The following UNC45B variants were observed in gnomAD, a reference collection of about 807,000 sequenced individuals.
UNC45B encodes the protein unc-45 myosin chaperone B, also known as protein unc-45 homolog B.
UNC45B carries 78 observed loss-of-function variants against 98.7 expected under a neutral mutation model. The observed-to-expected ratio is 0.79, with a 90% CI of 0.66 to 0.95. The LOEUF is 0.95. Among genes scored for constraint, UNC45B ranks in the 40% least tolerant of loss-of-function variants. UNC45B has a pLI of 0.00. For synonymous variants in UNC45B, 462 were observed against 480.4 expected (o/e 0.96, Z 0.50); for missense variants, 1,225 against 1,184.9 (o/e 1.03, Z -0.50).
chr17:35,177,332 A>C (rs540098315), intron 16 of UNC45B, among the ~76,000 whole-genome samples, 163 bp from the exon 17 acceptor site: 5 of 152,166 alleles, frequency 3.3e-5, no homozygotes, highest in Non-Finnish European at 5.9e-5. Flanking sequence ...CAGTTATCCT[A>C]TCTATAAAGA....
At chr17:35,184,931 C>T (rs2092294640) in intron 19 of UNC45B, among the ~76,000 whole-genome samples, 1 of 152,202 alleles carries the variant, frequency 6.6e-6, no homozygotes, top group African/African-American at 2.4e-5. Flanking sequence ...ATGCCCTGGG[C>T]TATGCTTCCT....
rs1329266072 is a variant in UNC45B, at chr17:35,171,389, T to C, written c.1757T>C (p.Val586Ala). The C allele has an allele frequency of 1.2e-6, 2 of 1,614,180 alleles. No individual in the cohort carries two copies. The highest frequency in any genetic ancestry group is 1.7e-6 in the Non-Finnish European group (2 of 1,180,038). The change falls in exon 13 of 20, where the codon GTC (valine) becomes GCC (alanine). Residue 586 changes from valine to alanine, a missense_variant. Coordinates refer to ENST00000394570, the MANE Select transcript of UNC45B (RefSeq NM_001267052.2). ...TLVNCTNSYD[V>A]KEVIPELVQL... ...GTGAACTGCACCAACAGCTACGATG[T>C]CAAGGAGGTCATCCCAGAGCTTGTC...
At chr17:35,174,927 G>GAGAAAGAAAGAAAA (rs760395025) in intron 14 of UNC45B, among the ~76,000 whole-genome samples, 1 of 136,422 alleles carries the variant, frequency 7.3e-6, no homozygotes, top group Non-Finnish European at 1.5e-5. Context: ...AGGGAGGAAG[G>GAGAAAGAAAGAAAA]AGAAAGAAAG....
At position 35,159,428 on chromosome 17, in the gene UNC45B, A is replaced by C. The variant is rs185961738; in HGVS notation, c.862A>C (p.Ser288Arg). Reference protein sequence around the residue: ...ITSHLLDMLVSKKVSGQGRDQ... With the variant: ...ITSHLLDMLVRKKVSGQGRDQ... ...CAGCCACCTGCTGGACATGCTAGTC[A>C]GCAAGAAGGTGTCTGGCCAGGGCAG... is the stretch of plus-strand genomic sequence containing the variant. Residue 288 changes from serine (S) to arginine (R), a missense_variant, in exon 8 of 20, where the codon AGC (serine) becomes CGC (arginine). Physicochemically the swap from Ser to Arg is moderately radical, Grantham distance 110. Coordinates refer to ENST00000394570, the MANE Select transcript of UNC45B (RefSeq NM_001267052.2). 4.9e-5 allele frequency: 79 copies of C among 1,614,158 alleles called. No individual in the cohort carries two copies. The highest frequency in any genetic ancestry group is 5.6e-5 in the Non-Finnish European group (66 of 1,179,992).
intron 10 of UNC45B, among the ~76,000 whole-genome samples, chr17:35,168,815 T>C (rs889789796): frequency 1.3e-5 from 2 of 152,178 alleles, no homozygotes; most frequent in African/African-American, 4.8e-5. Context: ...CAGGTGACTC[T>C]TGTGCCTCAG....
At chr17:35,165,375 T>C (rs1852433332) in intron 9 of UNC45B, among the ~76,000 whole-genome samples, 1 of 152,178 alleles carries the variant, frequency 6.6e-6, no homozygotes, top group South Asian at 2.1e-4. Flanking sequence ...TTTTAATTCT[T>C]TATTGCAGTG....
At chr17:35,177,653 A>G in intron 17 of UNC45B, 43 bp downstream of exon 17, 3 of 1,435,700 alleles carry the variant, frequency 2.1e-6, no homozygotes, top group Non-Finnish European at 2.9e-6. Context: ...AGGTGGCTCA[A>G]AAAGTGTTTG....
chr17:35,160,244 G>A (rs955454245), intron 8 of UNC45B, among the ~76,000 whole-genome samples: 1 of 152,120 alleles, frequency 6.6e-6, no homozygotes, highest in African/African-American at 2.4e-5. Flanking sequence ...CATAAGATAA[G>A]GTGAACATAG....
intron 7 of UNC45B, among the ~76,000 whole-genome samples, chr17:35,158,948 C>A (rs1322988046): frequency 1.3e-5 from 2 of 152,222 alleles, no homozygotes; most frequent in African/African-American, 4.8e-5. Flanking sequence ...CAGGCAAAAG[C>A]TTGAATTCAG....
At chr17:35,154,028 G>A (rs1349851605) in intron 5 of UNC45B, among the ~76,000 whole-genome samples, 3 of 152,126 alleles carry the variant, frequency 2.0e-5, no homozygotes, top group Admixed American at 6.6e-5. Context: ...GAGAAGTGCC[G>A]TGACTCACCC....
At position 35,170,125 on chromosome 17, in the gene UNC45B, A is replaced by C; in HGVS notation, c.1559A>C (p.Asn520Thr). 6.2e-7 allele frequency: 1 copy of C among 1,610,440 alleles called. No homozygotes were observed. Among genetic ancestry groups the C allele is most frequent in the South Asian group, 1.1e-5 (1 of 90,850 alleles). ...CTCCTCACTTCCAGGTGGCTGTGCA[A>C]TATGTCCATAGACACTCGGACCCGA... ...LAKQCRKWLCNMSIDTRTRRW... is the reference protein window; with the variant it reads ...LAKQCRKWLCTMSIDTRTRRW... The change falls in exon 12 of 20, where the codon AAT becomes ACT. Residue 520 changes from asparagine to threonine, a missense_variant. By Grantham distance (65) the Asn-to-Thr change is moderately conservative (BLOSUM62 0). Transcript: ENST00000394570.
chr17:35,180,492 G>A (rs1231887214), intron 17 of UNC45B, 67 bp from the exon 18 acceptor site: 3 of 1,287,380 alleles, frequency 2.3e-6, no homozygotes, highest in Admixed American at 1.9e-5. Flanking sequence ...TCCCTGGGTG[G>A]CCAGAAAACC....
At chr17:35,183,938 T>TA (rs61016886) in intron 19 of UNC45B, among the ~76,000 whole-genome samples, 3,171 of 152,200 alleles carry the variant, frequency 0.021, 112 homozygotes, top group African/African-American at 0.061. Context: ...ATAAGGAGCT[T>TA]ATGGTTTGGC....
At position 35,187,848 on chromosome 17, in the gene UNC45B, A is replaced by G. The variant is rs957785219; in HGVS notation, c.*1289A>G. The G allele has an allele frequency of 6.6e-6, 1 of 152,258 alleles. No homozygotes were observed. The highest frequency in any genetic ancestry group is 2.1e-4 in the South Asian group (1 of 4,838). 9.4% of individuals were successfully genotyped at this position (152,258 alleles called of 1,614,324 possible). A position where few individuals can be genotyped will look rare whatever the true frequency, so the allele number is the denominator to read the frequency against. On this transcript the variant is annotated 3_prime_UTR_variant, in exon 20 of 20. Coordinates refer to ENST00000394570, the MANE Select transcript of UNC45B (RefSeq NM_001267052.2). ...TAAGATCTAGTACTGTCACTCCAGT[A>G]TGTCCCAATTCTACCTACGTTTATT... is the stretch of plus-strand genomic sequence containing the variant.
In UNC45B at chr17:35,158,991, A is replaced by G. The variant is rs1473245065; in HGVS notation, c.809-384A>G. ...GCATGCCTGAATCTGTGGGGAGTGA[A>G]ATGTCCCTAAAAAGTACAAATTCCC... On this transcript the variant is annotated intron_variant, in intron 7 of 19. Coordinates refer to ENST00000394570, the MANE Select transcript of UNC45B (RefSeq NM_001267052.2). Among the ~76,000 whole-genome samples the G allele has an allele frequency of 2.6e-5, 4 of 152,296 alleles. No individual in the cohort carries two copies. The East Asian group carries it at 7.7e-4, about 29-fold the overall frequency.
intron 17 of UNC45B, among the ~76,000 whole-genome samples, chr17:35,180,210 G>T (rs1356730076): frequency 1.3e-5 from 2 of 151,340 alleles, no homozygotes; most frequent in African/African-American, 4.9e-5. Flanking sequence ...ATGGTTATAA[G>T]GGCAGTTCTG....
intron 13 of UNC45B, among the ~76,000 whole-genome samples, chr17:35,173,336 G>T (rs1472537098): frequency 6.6e-6 from 1 of 152,064 alleles, no homozygotes; most frequent in Admixed American, 6.5e-5. Flanking sequence ...ATGTTGCCCA[G>T]GCTGGTCTCG....
At position 35,148,447 on chromosome 17, in the gene UNC45B, G is replaced by C. The variant is rs1344240198; in HGVS notation, c.168+16G>C. 6.2e-7 allele frequency: 1 copy of C among 1,612,426 alleles called. No homozygotes were observed. Among genetic ancestry groups the C allele is most frequent in the African/African-American group, 1.3e-5 (1 of 75,014 alleles). ...CCTGAAAACGGTCTGGGGCAGGGCA[G>C]GGCACAGGGTGGGAGTGAGGCAGAG... On this transcript the variant is annotated intron_variant, in intron 2 of 19. Coordinates refer to ENST00000394570, the MANE Select transcript of UNC45B (RefSeq NM_001267052.2).
At chr17:35,148,506 T>C (rs2091992674) in intron 2 of UNC45B, 75 bp downstream of exon 2, 1 of 1,503,034 alleles carries the variant, frequency 6.7e-7, no homozygotes, top group Non-Finnish European at 8.9e-7. Flanking sequence ...CCCTTCACCC[T>C]GATAGAAATT....
Sources: gnomAD v4.1 joint callset for allele counts (sites outside exome capture counted in the v4.1 genomes callset) on GRCh38, gnomAD v4.1.1 for gene constraint, MANE v1.5 for transcripts, NCBI Gene and HGNC (gene_info 2026-07-23, HGNC 2026-07-21) for gene names.